The following PES1 variants were observed in gnomAD, a reference collection of about 807,000 sequenced individuals.
The protein encoded by PES1 is pescadillo ribosomal biogenesis factor 1.
A neutral mutation model predicts 77.1 loss-of-function variants in PES1; 31 were observed. The ratio of observed to expected loss-of-function variants is 0.40; its 90% CI spans 0.30 to 0.54. The LOEUF is 0.54. Ranked by LOEUF, PES1 falls within the 20% of genes least tolerant of loss-of-function variation. The pLI is 0.45. For missense variants in PES1, 658 were observed against 771.7 expected (o/e 0.85, Z 1.75); for synonymous variants, 282 against 303.0 (o/e 0.93, Z 0.72).
chr22:30,602,455 C>T, intron 2 of PES1, among the ~76,000 whole-genome samples: 1 of 43,536 alleles, frequency 2.3e-5, no homozygotes, highest in Non-Finnish European at 4.8e-5. Context: ...TTTTTTGACA[C>T]AAGAGTTCCA....
chr22:30,588,033 G>C lies in PES1; in HGVS notation c.246C>G (p.Phe82Leu), dbSNP rs1299271279. 8 of 1,613,784 alleles carry C rather than the reference G, an allele frequency of 5.0e-6. No homozygotes were observed. The highest frequency in any genetic ancestry group is 6.8e-6 in the Non-Finnish European group (8 of 1,180,048). Residue 82 changes from phenylalanine (F) to leucine (L), a missense_variant, in exon 3 of 15, where the codon TTC becomes TTG. By Grantham distance (22) the Phe-to-Leu change is conservative. Coordinates refer to ENST00000354694, the MANE Select transcript of PES1 (RefSeq NM_014303.4). ...FLLHEPIVNK[F>L]REYKVFVRKL... is the part of the protein sequence containing the mutation. Reference sequence around the variant, plus strand: ...GCCCAGACCTCACCTTGTATTCACGGAACTTGTTGACAATGGGTTCGTGGA... The same window carrying C: ...GCCCAGACCTCACCTTGTATTCACGCAACTTGTTGACAATGGGTTCGTGGA...
chr22:30,587,549 T>A (rs1213295710), intron 3 of PES1, among the ~76,000 whole-genome samples, 154 bp from the exon 4 acceptor site: 1 of 152,142 alleles, frequency 6.6e-6, no homozygotes, highest in African/African-American at 2.4e-5. Flanking sequence ...CTGCCCAGGA[T>A]GAGCAAAAGA....
intron 12 of PES1, 52 bp from the exon 13 acceptor site, chr22:30,579,355 G>A (rs1296401803): frequency 1.3e-6 from 2 of 1,598,494 alleles, no homozygotes; most frequent in East Asian, 2.2e-5. Flanking sequence ...TGTCTCTCTG[G>A]CAGGGTGACA....
chr22:30,601,055 G>A (rs2087347547), intron 2 of PES1, among the ~76,000 whole-genome samples: 1 of 152,192 alleles, frequency 6.6e-6, no homozygotes, highest in Admixed American at 6.5e-5. Flanking sequence ...CAGCTCAAGT[G>A]TTCAAGTGAG....
At chr22:30,577,338 G>A (rs918332559) in intron 14 of PES1, among the ~76,000 whole-genome samples, 5 of 152,108 alleles carry the variant, frequency 3.3e-5, no homozygotes, top group African/African-American at 4.8e-5. Flanking sequence ...CACAAATCTC[G>A]AGATAAGAGA....
At position 30,576,842 on chromosome 22, in the gene PES1, C is replaced by T. The variant is rs966738724; in HGVS notation, c.*204G>A. The T allele has an allele frequency of 3.4e-6, 2 of 591,702 alleles. No individual in the cohort carries two copies. Among genetic ancestry groups the T allele is most frequent in the African/African-American group, 3.7e-5 (2 of 53,492 alleles). The allele number at this position is 591,702 out of a possible 1,614,324, so 36.7% of individuals were successfully genotyped here. On this transcript the variant is annotated 3_prime_UTR_variant, in exon 15 of 15. Coordinates refer to ENST00000354694, the MANE Select transcript of PES1 (RefSeq NM_014303.4). ...CAGGCTGGGCACAGAGGCCTCTTCT[C>T]TGACCAGGCACCAGCAGGGCAGCTC...
At position 30,578,919 on chromosome 22, in the gene PES1, C is replaced by T. The variant is rs199831167; in HGVS notation, c.1601G>A (p.Arg534His). Residue 534 changes from arginine to histidine, a missense_variant, in exon 14 of 15, where the codon CGC becomes CAC. Transcript: ENST00000354694. ...CTTCTTCATCATCATAATGGCCAGG[C>T]GCTTGGCCTCACTCTCCTCCTCCTG... The part of the protein sequence containing the change: ...LAQEEESEAK[R>H]LAIMMMKKRE... The T allele has an allele frequency of 3.1e-5, 50 of 1,613,522 alleles. No homozygotes were observed. Among genetic ancestry groups the T allele is most frequent in the African/African-American group, 6.7e-5 (5 of 75,044 alleles).
chr22:30,591,721 C>G, intron 1 of PES1, 89 bp downstream of exon 1: 1 of 1,443,024 alleles, frequency 6.9e-7, no homozygotes, highest in South Asian at 1.3e-5. Flanking sequence ...CCAGTCTCCA[C>G]GAGACGGAGC....
At chr22:30,584,761 G>C in intron 4 of PES1, 44 bp from the exon 5 acceptor site, 1 of 1,597,968 alleles carries the variant, frequency 6.3e-7, no homozygotes, top group Admixed American at 1.7e-5. Flanking sequence ...TTCAGCGTGG[G>C]TGCCAAGGGG....
upstream of PES1, among the ~76,000 whole-genome samples, chr22:30,593,703 A>AG (rs754266013): frequency 3.9e-5 from 6 of 152,286 alleles, no homozygotes; most frequent in East Asian, 1.9e-4. Context: ...ATTAATGTTG[A>AG]GGGGTCACTG....
rs769557165 is a variant in PES1, at chr22:30,584,624, G to A, written c.462C>T (p.His154=). 23 of 1,613,866 alleles carry A rather than the reference G, an allele frequency of 1.4e-5. No homozygotes were observed. The highest frequency in any genetic ancestry group is 2.2e-5 in the South Asian group (2 of 91,054). The change falls in exon 5 of 15, where the codon CAC becomes CAT. Residue 154 remains histidine (H), a synonymous_variant. Transcript: ENST00000354694. ...FSTFPRTGKC[H]VQTIQLCRRL... ...GGCGGCACAGCTGAATGGTCTGCACGTGGCACTTGCCAGTCCGCGGGAAGG... is the reference window on the plus strand; with the variant it reads ...GGCGGCACAGCTGAATGGTCTGCACATGGCACTTGCCAGTCCGCGGGAAGG...
At chr22:30,582,541 T>G (rs995644536) in intron 6 of PES1, among the ~76,000 whole-genome samples, 5 of 152,160 alleles carry the variant, frequency 3.3e-5, no homozygotes, top group African/African-American at 7.2e-5. Flanking sequence ...TCACAACTCT[T>G]GAGCAGTTCT....
chr22:30,591,432 C>G (rs1321881726), intron 1 of PES1, among the ~76,000 whole-genome samples: 6 of 152,172 alleles, frequency 3.9e-5, no homozygotes, highest in Non-Finnish European at 7.3e-5. Flanking sequence ...TGTTATGCCT[C>G]GAAGAGAACT....
upstream of PES1, chr22:30,592,025 GA>G: frequency 7.3e-7 from 1 of 1,364,234 alleles, no homozygotes; most frequent in Non-Finnish European, 9.4e-7. Context: ...ACTATAGTCT[GA>G]AAAAAATCAC....
At chr22:30,584,770 G>A in intron 4 of PES1, 53 bp from the exon 5 acceptor site, 1 of 1,581,392 alleles carries the variant, frequency 6.3e-7, no homozygotes, top group African/African-American at 1.3e-5. Context: ...GGTGCCAAGG[G>A]GGACCCTGAT....
At chr22:30,585,124 G>T in intron 4 of PES1, 1 of 394,340 alleles carries the variant, frequency 2.5e-6, no homozygotes, top group Non-Finnish European at 5.2e-6. Context: ...AAGCTGCCCT[G>T]GTGGAGCAGG....
chr22:30,589,454 G>A (rs528427553), intron 1 of PES1, among the ~76,000 whole-genome samples, 184 bp from the exon 2 acceptor site: 3 of 152,262 alleles, frequency 2.0e-5, no homozygotes, highest in East Asian at 1.9e-4. Flanking sequence ...CCATCCTTGC[G>A]GCTGTCAGCA....
chr22:30,580,107 C>G lies in PES1; in HGVS notation c.1115G>C (p.Arg372Pro). The change falls in exon 11 of 15, where the codon CGC becomes CCC. Residue 372 changes from arginine (R) to proline (P), a missense_variant. Transcript: ENST00000354694. ...CCGGTCGACAATCTGATGGGTGATG[C>G]GGGAGTCTGTGACGTCATAGGTGGC... ...IGATYDVTDS[R>P]ITHQIVDRPG... The G allele has an allele frequency of 1.2e-6, 2 of 1,614,092 alleles. No individual in the cohort carries two copies. Among genetic ancestry groups the G allele is most frequent in the Non-Finnish European group, 1.7e-6 (2 of 1,180,002 alleles).
chr22:30,581,243 C>A (rs1056211075), intron 8 of PES1, 91 bp downstream of exon 8: 139 of 1,452,598 alleles, frequency 9.6e-5, no homozygotes, highest in Non-Finnish European at 1.3e-4. Flanking sequence ...CTAGCCATAA[C>A]CACCCCCACT....
Sources: allele counts gnomAD v4.1 joint callset (sites outside exome capture counted in the v4.1 genomes callset), GRCh38; gene constraint gnomAD v4.1.1; transcripts MANE v1.5; gene names NCBI Gene and HGNC (gene_info 2026-07-23, HGNC 2026-07-21).